PTPRM: variants seen among roughly 807,000 people sequenced by gnomAD.
PTPRM encodes the protein protein tyrosine phosphatase receptor type M, also known as receptor-type tyrosine-protein phosphatase mu.
Under a neutral mutation model 186.7 loss-of-function variants are expected in PTPRM, and 47 were observed. The observed-to-expected ratio is 0.25, with a 90% CI of 0.20 to 0.32. The LOEUF (loss-of-function observed/expected upper bound fraction) is 0.32, where lower values mean the gene tolerates loss of function less well. Ranked by LOEUF, PTPRM falls within the 10% of genes least tolerant of loss-of-function variation. The pLI is 1.00. For synonymous variants in PTPRM, 668 were observed against 674.9 expected, an observed-to-expected ratio of 0.99 and a Z score of 0.16; for missense variants, 1,494 against 1,865.0, an observed-to-expected ratio of 0.80 and a Z score of 3.66.
At chr18:7,571,041 C>T (rs1469990916) in intron 1 of PTPRM, among the ~76,000 whole-genome samples, 5 of 151,366 alleles carry the variant, frequency 3.3e-5, no homozygotes, top group African/African-American at 9.7e-5. Context: ...CGGGTTCGAG[C>T]GATTCTCCTG....
Position 8,157,280 on chromosome 18 carries a change from T to C in PTPRM, c.2300+13501T>C, listed in dbSNP as rs553820782. On this transcript the variant is annotated intron_variant, in intron 14 of 32. Coordinates refer to ENST00000580170, the MANE Select transcript of PTPRM (RefSeq NM_001105244.2). ...TTTAAAGTGCTGGCCCCAGTAAATATTAACTCTATTGATAATATGCATTAT... is the reference window on the plus strand; with the variant it reads ...TTTAAAGTGCTGGCCCCAGTAAATACTAACTCTATTGATAATATGCATTAT... Among the ~76,000 whole-genome samples the C allele has an allele frequency of 1.8e-4, 28 of 152,302 alleles. No individual in the cohort carries two copies. The East Asian group carries it at 4.6e-3, about 25-fold the overall frequency.
At chr18:8,069,071 C>T (rs558479119) in intron 7 of PTPRM, among the ~76,000 whole-genome samples, 15 of 137,822 alleles carry the variant, frequency 1.1e-4, no homozygotes, top group Non-Finnish European at 2.0e-4. Flanking sequence ...GATCACACCA[C>T]TGCACTCCAG....
intron 2 of PTPRM, 21 bp from the exon 3 acceptor site, chr18:7,888,085 T>A: frequency 6.2e-7 from 1 of 1,614,122 alleles, no homozygotes; most frequent in Non-Finnish European, 8.5e-7. Context: ...GGTATGACTC[T>A]CCTTGATTTT....
At chr18:7,751,891 G>A (rs775287593) in intron 1 of PTPRM, among the ~76,000 whole-genome samples, 3 of 152,048 alleles carry the variant, frequency 2.0e-5, no homozygotes, top group East Asian at 1.9e-4. Context: ...AATTTTTGTC[G>A]TTTCTTTTAC....
intron 7 of PTPRM, among the ~76,000 whole-genome samples, chr18:8,017,027 A>AT (rs921778424): frequency 3.3e-5 from 5 of 152,044 alleles, no homozygotes; most frequent in African/African-American, 1.2e-4. Context: ...ACCCATACCG[A>AT]TTTTTTTTCT....
chr18:8,378,483 C>T (rs2148497826), intron 27 of PTPRM, 69 bp downstream of exon 27: 2 of 1,540,608 alleles, frequency 1.3e-6, no homozygotes, highest in South Asian at 1.2e-5. Flanking sequence ...AAGGTCAGCA[C>T]CTGAGTGAGC....
At chr18:8,095,600 G>A (rs894425216) in intron 11 of PTPRM, among the ~76,000 whole-genome samples, 3 of 152,076 alleles carry the variant, frequency 2.0e-5, no homozygotes, top group African/African-American at 7.2e-5. Context: ...TGGAGGATGG[G>A]TTAGAGGGCG....
intron 17 of PTPRM, among the ~76,000 whole-genome samples, chr18:8,250,725 G>A (rs1379489124): frequency 6.6e-6 from 1 of 151,430 alleles, no homozygotes; most frequent in East Asian, 1.9e-4. Context: ...GGAGTTTGGG[G>A]CTGCAGTGAG....
At chr18:7,986,144 G>A (rs2082950985) in intron 7 of PTPRM, among the ~76,000 whole-genome samples, 1 of 152,128 alleles carries the variant, frequency 6.6e-6, no homozygotes, top group African/African-American at 2.4e-5. Flanking sequence ...AAATTCTGGA[G>A]AGGTTATCAG....
At chr18:8,253,021 A>G (rs1261624059) in intron 18 of PTPRM, among the ~76,000 whole-genome samples, 4 of 152,198 alleles carry the variant, frequency 2.6e-5, no homozygotes, top group Admixed American at 6.5e-5. Flanking sequence ...CTGCTTTGTA[A>G]AAGAAAGATT....
intron 7 of PTPRM, among the ~76,000 whole-genome samples, chr18:8,031,326 T>C (rs1600163837): frequency 6.6e-6 from 1 of 152,180 alleles, no homozygotes; most frequent in South Asian, 2.1e-4. Context: ...CTATGAAATA[T>C]GTTGGCTAGT....
At chr18:7,890,703 A>G (rs1382360232) in intron 3 of PTPRM, among the ~76,000 whole-genome samples, 1 of 152,210 alleles carries the variant, frequency 6.6e-6, no homozygotes, top group African/African-American at 2.4e-5. Context: ...GTGATTGCAA[A>G]TAATTAACTA....
rs147117410 is a variant in PTPRM, at chr18:8,133,442, A to C, written c.2168-10205A>C. On this transcript the variant is annotated intron_variant, in intron 13 of 32. Transcript: ENST00000580170. ...GAATTTATGTTTAGTGTATGACATA[A>C]AGATTTACCAAAATAACTGAACTTG... is the stretch of plus-strand genomic sequence containing the variant. Among the ~76,000 whole-genome samples, 456 of 152,332 alleles carry C rather than the reference A, an allele frequency of 3.0e-3. 2 individuals carry two copies. Among genetic ancestry groups the C allele is most frequent in the African/African-American group, 9.9e-3 (412 of 41,592 alleles).
At chr18:7,960,480 T>TATATATATATAC (rs1300573371) in intron 7 of PTPRM, among the ~76,000 whole-genome samples, 14 of 86,600 alleles carry the variant, frequency 1.6e-4, no homozygotes, top group African/African-American at 6.1e-4. Context: ...TATATATATA[T>TATATATATATAC]ACACACACAC....
chr18:7,677,268 G>A (rs2039366101), intron 1 of PTPRM, among the ~76,000 whole-genome samples: 2 of 152,164 alleles, frequency 1.3e-5, no homozygotes. Flanking sequence ...GAATTGTTTG[G>A]ACATTAACAA....
At chr18:8,311,037 G>A (rs1025731249) in intron 20 of PTPRM, among the ~76,000 whole-genome samples, 3 of 152,168 alleles carry the variant, frequency 2.0e-5, no homozygotes, top group Admixed American at 6.5e-5. Context: ...GGCTGGGCGT[G>A]GTGGCTCACG....
chr18:8,349,082 G>A (rs1012533102), intron 23 of PTPRM, among the ~76,000 whole-genome samples: 8 of 152,102 alleles, frequency 5.3e-5, no homozygotes, highest in Admixed American at 1.3e-4. Flanking sequence ...AACACTAGAC[G>A]TCAGAACTAA....
At chr18:8,077,827 G>GA (rs2089912290) in intron 9 of PTPRM, among the ~76,000 whole-genome samples, 2 of 152,148 alleles carry the variant, frequency 1.3e-5, no homozygotes, top group South Asian at 4.1e-4. Flanking sequence ...TAGACAGACA[G>GA]AAAATATTTA....
chr18:7,900,139 A>G (rs2049585565), intron 3 of PTPRM, among the ~76,000 whole-genome samples: 1 of 152,238 alleles, frequency 6.6e-6, no homozygotes, highest in Non-Finnish European at 1.5e-5. Flanking sequence ...GCTAGATAGT[A>G]AATATTTCAG....
Sources: gnomAD v4.1 joint callset for allele counts (sites outside exome capture counted in the v4.1 genomes callset) on GRCh38, gnomAD v4.1.1 for gene constraint, MANE v1.5 for transcripts, NCBI Gene and HGNC (gene_info 2026-07-23, HGNC 2026-07-21) for gene names.